Variants in SEMA3A observed in about 807,000 individuals in gnomAD.
SEMA3A encodes the protein semaphorin-3A.
SEMA3A carries 29 observed loss-of-function variants against 97.9 expected under a neutral mutation model. The observed-to-expected ratio is 0.30, with a 90% confidence interval of 0.22 to 0.40. SEMA3A has a LOEUF of 0.40. Among genes scored for constraint, SEMA3A ranks in the 10% least tolerant of loss-of-function variants. The probability of loss-of-function intolerance (pLI) is 1.00; values close to 1 mark genes in which losing one functional copy is unlikely to be tolerated. For synonymous variants in SEMA3A, 321 were observed against 323.7 expected, an observed-to-expected ratio of 0.99 and a Z score of 0.09; for missense variants, 763 against 951.3, an observed-to-expected ratio of 0.80 and a Z score of 2.60.
chr7:83,994,716 C>G (rs6963824), intron 12 of SEMA3A, among the ~76,000 whole-genome samples: 1 of 147,138 alleles, frequency 6.8e-6, no homozygotes, highest in Non-Finnish European at 1.5e-5. Context: ...CTGCTCTCTT[C>G]AAAGCTGTCA....
intron 16 of SEMA3A, among the ~76,000 whole-genome samples, chr7:83,962,197 A>G (rs1183639277): frequency 6.6e-6 from 1 of 152,128 alleles, no homozygotes; most frequent in African/African-American, 2.4e-5. Flanking sequence ...CCATGATACT[A>G]GAAAGATACG....
At chr7:84,386,492 T>C (rs1803400593) in intron 1 of SEMA3A, among the ~76,000 whole-genome samples, 2 of 152,094 alleles carry the variant, frequency 1.3e-5, no homozygotes, top group Admixed American at 1.3e-4. Context: ...TTCTCCAAAA[T>C]AGTCATATGG....
intron 6 of SEMA3A, among the ~76,000 whole-genome samples, chr7:84,015,928 G>T (rs1791080568): frequency 6.6e-6 from 1 of 152,222 alleles, no homozygotes; most frequent in African/African-American, 2.4e-5. Context: ...AAGAGTAGGA[G>T]AATAATAGTT....
At chr7:84,309,887 G>A (rs1307847314) in intron 2 of SEMA3A, among the ~76,000 whole-genome samples, 2 of 152,194 alleles carry the variant, frequency 1.3e-5, no homozygotes, top group African/African-American at 2.4e-5. Context: ...ATGAGTGAGA[G>A]AAGGGTGATG....
intron 1 of SEMA3A, among the ~76,000 whole-genome samples, chr7:84,464,667 T>A (rs888923088): frequency 6.6e-6 from 1 of 152,194 alleles, no homozygotes; most frequent in Admixed American, 6.5e-5. Flanking sequence ...AATAGTAATA[T>A]GATCTGTATT....
chr7:84,393,464 T>C lies in SEMA3A; in HGVS notation c.-245-21564A>G, dbSNP rs545494981. Among the ~76,000 whole-genome samples, 12 of 152,206 alleles carry C rather than the reference T, an allele frequency of 7.9e-5. No individual in the cohort carries two copies. In the South Asian group the frequency reaches 2.3e-3, roughly 29 times the overall value. ...AAACTATAGTGAAAAGCAATAGTAA[T>C]TACAATAGCATGGTACTAGCATAAA... is the stretch of plus-strand genomic sequence containing the variant. On this transcript the variant is annotated intron_variant, in intron 1 of 3. Coordinates refer to the SEMA3A transcript ENST00000424555.
intron 5 of SEMA3A, among the ~76,000 whole-genome samples, chr7:84,054,532 C>T (rs1191622413): frequency 2.6e-5 from 4 of 151,756 alleles, no homozygotes; most frequent in African/African-American, 4.8e-5. Flanking sequence ...ATGTAGTTCT[C>T]GAGCCTTGGT....
intron 3 of SEMA3A, among the ~76,000 whole-genome samples, chr7:84,121,100 C>G (rs1795598309): frequency 1.7e-5 from 1 of 60,150 alleles, no homozygotes; most frequent in Non-Finnish European, 3.4e-5. Context: ...CTGCCCTTTG[C>G]TCCAGAGGGA....
chr7:84,468,900 T>C (rs1806071699), intron 1 of SEMA3A, among the ~76,000 whole-genome samples: 1 of 152,086 alleles, frequency 6.6e-6, no homozygotes, highest in Non-Finnish European at 1.5e-5. Flanking sequence ...TAAATTTTAG[T>C]TTTCAAGTAT....
intron 2 of SEMA3A, among the ~76,000 whole-genome samples, chr7:84,336,290 C>G (rs1802037125): frequency 6.6e-6 from 1 of 152,114 alleles, no homozygotes; most frequent in African/African-American, 2.4e-5. Context: ...AGATCCTTTT[C>G]TAAACAGAAG....
chr7:84,296,240 G>A (rs1800867903), intron 3 of SEMA3A, among the ~76,000 whole-genome samples: 1 of 152,032 alleles, frequency 6.6e-6, no homozygotes, highest in South Asian at 2.1e-4. Flanking sequence ...TTTGTATAGC[G>A]TTAGCTAGAT....
chr7:84,068,677 C>G (rs1213153645), intron 4 of SEMA3A, among the ~76,000 whole-genome samples: 1 of 152,038 alleles, frequency 6.6e-6, no homozygotes, highest in Non-Finnish European at 1.5e-5. Context: ...GCTATCTCCT[C>G]AAAGCATAAG....
chr7:84,279,629 T>A (rs1800389026), intron 3 of SEMA3A, among the ~76,000 whole-genome samples: 1 of 152,160 alleles, frequency 6.6e-6, no homozygotes, highest in Admixed American at 6.6e-5. Flanking sequence ...ATGTGGGAGT[T>A]CGTTTTACTA....
chr7:84,184,613 G>A (rs1797821670), intron 1 of SEMA3A, among the ~76,000 whole-genome samples: 2 of 147,926 alleles, frequency 1.4e-5, no homozygotes, highest in African/African-American at 2.5e-5. Flanking sequence ...TGGGTAAGGG[G>A]AGAAATCCTT....
intron 1 of SEMA3A, among the ~76,000 whole-genome samples, chr7:84,436,614 T>C (rs1805138000): frequency 6.6e-6 from 1 of 152,166 alleles, no homozygotes; most frequent in Non-Finnish European, 1.5e-5. Context: ...TTCTCAGATA[T>C]AAGTTCGGAT....
At chr7:84,429,522 A>G (rs954923184) in intron 1 of SEMA3A, among the ~76,000 whole-genome samples, 1 of 108,460 alleles carries the variant, frequency 9.2e-6, no homozygotes, top group Non-Finnish European at 1.8e-5. Flanking sequence ...TTTGTTATAT[A>G]TATATATATA....
intron 2 of SEMA3A, among the ~76,000 whole-genome samples, chr7:84,342,113 G>T (rs1206404322): frequency 6.6e-6 from 1 of 151,796 alleles, no homozygotes; most frequent in African/African-American, 2.4e-5. Context: ...TTGGCTCACC[G>T]CAAGCTTCGC....
chr7:84,231,776 C>G (rs10260152), intron 3 of SEMA3A, among the ~76,000 whole-genome samples: 106,995 of 151,406 alleles, frequency 0.71, 38,015 homozygotes, highest in East Asian at 0.79. Flanking sequence ...GTGTGTTTTA[C>G]TAAGCTGAGT....
intron 3 of SEMA3A, among the ~76,000 whole-genome samples, chr7:84,118,062 T>A (rs1795488471): frequency 6.6e-6 from 1 of 152,164 alleles, no homozygotes; most frequent in African/African-American, 2.4e-5. Flanking sequence ...AGAGCTCCAT[T>A]ATGAATAGTT....
Sources: allele counts gnomAD v4.1 joint callset (sites outside exome capture counted in the v4.1 genomes callset), GRCh38; gene constraint gnomAD v4.1.1; transcripts MANE v1.5; gene names NCBI Gene and HGNC (gene_info 2026-07-23, HGNC 2026-07-21).